Variants in ADGRD1 observed in about 807,000 individuals in gnomAD.
ADGRD1 encodes the protein adhesion G protein-coupled receptor D1, also known as G-protein coupled receptor 133.
In ADGRD1, 77 loss-of-function variants were observed where a neutral mutation model predicts 113.4. That is an observed-to-expected ratio of 0.68 (90% CI 0.57 to 0.82). ADGRD1 has a LOEUF of 0.82. Among genes scored for constraint, ADGRD1 ranks in the 40% least tolerant of loss-of-function variants. The probability of loss-of-function intolerance (pLI) is 0.00; values close to 1 mark genes in which losing one functional copy is unlikely to be tolerated. For missense variants in ADGRD1, 1,036 were observed against 1,139.1 expected, an observed-to-expected ratio of 0.91 and a Z score of 1.30; for synonymous variants, 474 against 475.0, an observed-to-expected ratio of 1.00 and a Z score of 0.03.
chr12:130,969,218 GGT>G, intron 3 of ADGRD1: 1 of 617,204 alleles, frequency 1.6e-6, no homozygotes, highest in Non-Finnish European at 2.9e-6. Context: ...GCAGATCCAA[GGT>G]GTTAAAAAAT....
intron 8 of ADGRD1, among the ~76,000 whole-genome samples, chr12:130,994,475 G>A (rs933438376): frequency 6.6e-6 from 1 of 152,160 alleles, no homozygotes; most frequent in African/African-American, 2.4e-5. Context: ...GTACACAGTC[G>A]GCGCTCAATA....
intron 15 of ADGRD1, among the ~76,000 whole-genome samples, chr12:131,088,906 C>T (rs1490693294): frequency 2.0e-5 from 3 of 152,158 alleles, no homozygotes; most frequent in Admixed American, 1.3e-4. Flanking sequence ...GCTGACCAGA[C>T]GCCTGGGGTC....
intron 13 of ADGRD1, among the ~76,000 whole-genome samples, chr12:131,064,411 G>A (rs1336728921): frequency 6.6e-6 from 1 of 152,162 alleles, no homozygotes; most frequent in African/African-American, 2.4e-5. Flanking sequence ...ATGATCATGT[G>A]ATTTTTCTTC....
chr12:131,101,460 T>C (rs1372128308), intron 15 of ADGRD1, among the ~76,000 whole-genome samples: 6 of 130,256 alleles, frequency 4.6e-5, no homozygotes, highest in Non-Finnish European at 6.3e-5. Flanking sequence ...CGATTTCGGC[T>C]CACTGCAACC....
At chr12:131,134,059 A>G (rs776667940) in intron 21 of ADGRD1, among the ~76,000 whole-genome samples, 36 of 152,226 alleles carry the variant, frequency 2.4e-4, no homozygotes, top group Non-Finnish European at 3.5e-4. Context: ...TTTTTAAAAA[A>G]GTCTCTGTTT....
chr12:130,969,167 A>G, intron 3 of ADGRD1: 1 of 730,890 alleles, frequency 1.4e-6, no homozygotes, highest in Middle Eastern at 2.3e-4. Context: ...TGAATTCACT[A>G]TGTCTTGGCT....
At chr12:131,135,125 C>T (rs1183830578) in intron 21 of ADGRD1, among the ~76,000 whole-genome samples, 1 of 152,206 alleles carries the variant, frequency 6.6e-6, no homozygotes, top group Non-Finnish European at 1.5e-5. Context: ...ATGATTGACA[C>T]AGCACATCAG....
chr12:131,128,329 C>G (rs567296867), intron 20 of ADGRD1, among the ~76,000 whole-genome samples: 1 of 151,936 alleles, frequency 6.6e-6, no homozygotes, highest in East Asian at 1.9e-4. Context: ...TGCACTCACT[C>G]AAGTTGCTCG....
intron 13 of ADGRD1, among the ~76,000 whole-genome samples, chr12:131,020,983 G>T (rs998916315): frequency 6.6e-6 from 1 of 152,222 alleles, no homozygotes; most frequent in Admixed American, 6.5e-5. Flanking sequence ...TTTGTTTCCA[G>T]TGTTGTCAAA....
intron 2 of ADGRD1, chr12:130,962,485 A>G (rs1565982841): frequency 6.6e-6 from 1 of 152,016 alleles, no homozygotes; most frequent in East Asian, 1.9e-4. Context: ...TCCTTTTACA[A>G]TTTTTTTTCC....
intron 15 of ADGRD1, among the ~76,000 whole-genome samples, chr12:131,103,936 C>G (rs1002408978): frequency 6.6e-5 from 10 of 152,116 alleles, no homozygotes; most frequent in Non-Finnish European, 1.2e-4. Context: ...CTTAGGAGCC[C>G]GGAGCCTCCT....
chr12:131,033,537 G>C (rs947261425), intron 13 of ADGRD1, among the ~76,000 whole-genome samples: 74 of 152,234 alleles, frequency 4.9e-4, no homozygotes, highest in African/African-American at 1.7e-3. Flanking sequence ...TGCTGGGCTG[G>C]GTTGCGCAGG....
chr12:131,066,347 C>T (rs999461464), intron 13 of ADGRD1, among the ~76,000 whole-genome samples: 3 of 152,194 alleles, frequency 2.0e-5, no homozygotes, highest in South Asian at 2.1e-4. Context: ...CTGCTCACTC[C>T]GAGGGGTGAC....
At chr12:131,051,560 T>G (rs1333630549) in intron 13 of ADGRD1, among the ~76,000 whole-genome samples, 1 of 151,870 alleles carries the variant, frequency 6.6e-6, no homozygotes, top group East Asian at 1.9e-4. Context: ...CTTGGCTCAC[T>G]GCAACCTCCA....
intron 4 of ADGRD1, among the ~76,000 whole-genome samples, chr12:130,972,715 A>G (rs1871827104): frequency 6.6e-6 from 1 of 151,240 alleles, no homozygotes; most frequent in Non-Finnish European, 1.5e-5. Context: ...TGGATTCGGG[A>G]AGGGCGGGGG....
chr12:131,099,935 G>T (rs756956864), intron 15 of ADGRD1, among the ~76,000 whole-genome samples: 1 of 152,190 alleles, frequency 6.6e-6, no homozygotes, highest in Non-Finnish European at 1.5e-5. Context: ...AGACTTGATT[G>T]ATGGTGGGGT....
chr12:131,004,843 C>G (rs1468149288), intron 11 of ADGRD1, among the ~76,000 whole-genome samples: 1 of 152,180 alleles, frequency 6.6e-6, no homozygotes, highest in Non-Finnish European at 1.5e-5. Flanking sequence ...GACCAGGGAG[C>G]CCTGTTGGGA....
intron 21 of ADGRD1, among the ~76,000 whole-genome samples, chr12:131,133,826 G>T (rs560467710): frequency 6.6e-6 from 1 of 152,216 alleles, no homozygotes; most frequent in African/African-American, 2.4e-5. Context: ...TCACTGCATC[G>T]TGAGGAAGCT....
chr12:131,020,833 T>TG (rs1485503390), intron 13 of ADGRD1, among the ~76,000 whole-genome samples: 1 of 152,230 alleles, frequency 6.6e-6, no homozygotes, highest in Non-Finnish European at 1.5e-5. Context: ...GGAGCAGCCC[T>TG]GGACACAGGG....
Sources: gnomAD v4.1 joint callset for allele counts (sites outside exome capture counted in the v4.1 genomes callset) on GRCh38, gnomAD v4.1.1 for gene constraint, MANE v1.5 for transcripts, NCBI Gene and HGNC (gene_info 2026-07-23, HGNC 2026-07-21) for gene names.